The following MINDY4B variants were observed in gnomAD, a reference collection of about 807,000 sequenced individuals.
MINDY4B encodes MINDY family member 4B.
In MINDY4B, 25 loss-of-function variants were observed where a neutral mutation model predicts 16.7. The observed-to-expected ratio is 1.49, with a 90% CI of 1.09 to 2.09. MINDY4B has a LOEUF of 2.09. Ranked by LOEUF, MINDY4B falls within the 30% of genes most tolerant of loss-of-function variation. MINDY4B has a pLI of 0.00. For missense variants in MINDY4B, 327 were observed against 168.4 expected, an observed-to-expected ratio of 1.94 and a Z score of -5.21; for synonymous variants, 132 against 61.9, an observed-to-expected ratio of 2.13 and a Z score of -5.32.
At chr3:150,878,799 G>T (rs1279689379) in intron 10 of MINDY4B, among the ~76,000 whole-genome samples, 2 of 152,152 alleles carry the variant, frequency 1.3e-5, no homozygotes, top group Non-Finnish European at 2.9e-5. Context: ...CCTCTTGACT[G>T]ACTTTAAGGT....
chr3:150,876,587 G>A (rs543107274), intron 10 of MINDY4B, among the ~76,000 whole-genome samples: 6 of 152,164 alleles, frequency 3.9e-5, no homozygotes, highest in South Asian at 2.1e-4. Flanking sequence ...TTTGCAGGGC[G>A]CTACCTCAGT....
At chr3:150,873,134 G>T (rs972127069) in intron 11 of MINDY4B, 53 bp downstream of exon 11, 5 of 653,346 alleles carry the variant, frequency 7.7e-6, no homozygotes, top group Non-Finnish European at 1.4e-5. Flanking sequence ...ATTGGCAACC[G>T]CATCTCTTTG....
rs75360223 is a variant in MINDY4B, at chr3:150,870,552, T to C, written c.*493A>G. On this transcript the variant is annotated 3_prime_UTR_variant, in exon 12 of 12. Coordinates refer to ENST00000465419, the MANE Select transcript of MINDY4B (RefSeq NM_001351281.2). ...TACTATTTTAATGACAAGAACTTGCTAATGTGGGCATATGAACTGTATCCT... is the reference window on the plus strand; with the variant it reads ...TACTATTTTAATGACAAGAACTTGCCAATGTGGGCATATGAACTGTATCCT... Among the ~76,000 whole-genome samples the C allele has an allele frequency of 1.4e-3, 219 of 152,322 alleles. 6 individuals carry two copies. The East Asian group carries it at 0.041, about 29-fold the overall frequency.
At chr3:150,889,673 G>C (rs1489964700) in intron 7 of MINDY4B, among the ~76,000 whole-genome samples, 1 of 152,182 alleles carries the variant, frequency 6.6e-6, no homozygotes, top group Non-Finnish European at 1.5e-5. Flanking sequence ...GCAATGAACA[G>C]TTGTATCACT....
chr3:150,876,319 T>A (rs971074761), intron 10 of MINDY4B, among the ~76,000 whole-genome samples: 1 of 152,208 alleles, frequency 6.6e-6, no homozygotes, highest in African/African-American at 2.4e-5. Context: ...TCTTTTTTTT[T>A]ATGCTGTCTA....
At chr3:150,897,487 C>T (rs73153818) in intron 3 of MINDY4B, among the ~76,000 whole-genome samples, 48 of 152,158 alleles carry the variant, frequency 3.2e-4, no homozygotes, top group Admixed American at 5.9e-4. Context: ...TGTGGACAAA[C>T]GGAGCGTGGA....
chr3:150,890,092 C>G (rs1393659401), intron 7 of MINDY4B, among the ~76,000 whole-genome samples: 4 of 152,078 alleles, frequency 2.6e-5, no homozygotes, highest in Admixed American at 6.5e-5. Context: ...CTTGATTAAC[C>G]AAAGAAAAAG....
chr3:150,888,101 C>G (rs190324487), intron 7 of MINDY4B, among the ~76,000 whole-genome samples: 31 of 152,036 alleles, frequency 2.0e-4, no homozygotes, highest in East Asian at 9.7e-4. Context: ...AGCAAGATTC[C>G]GTCTCAAAAA....
At chr3:150,901,667 T>A (rs1712119887) in intron 3 of MINDY4B, among the ~76,000 whole-genome samples, 1 of 151,864 alleles carries the variant, frequency 6.6e-6, no homozygotes, top group African/African-American at 2.4e-5. Flanking sequence ...GACTACAGGA[T>A]GTGCCACCAT....
chr3:150,885,523 G>A, intron 7 of MINDY4B, 85 bp from the exon 8 acceptor site: 1 of 676,626 alleles, frequency 1.5e-6, no homozygotes, highest in Non-Finnish European at 2.7e-6. Context: ...AGGATTTACA[G>A]GCTGAGAGAA....
intron 10 of MINDY4B, among the ~76,000 whole-genome samples, chr3:150,875,238 A>C (rs1717059972): frequency 6.6e-6 from 1 of 152,230 alleles, no homozygotes; most frequent in Non-Finnish European, 1.5e-5. Flanking sequence ...TTATAAAATA[A>C]GCACTTTCTT....
In MINDY4B at chr3:150,877,894, C is replaced by T. The variant is rs114465784; in HGVS notation, c.1060-4527G>A. 9.3e-3 allele frequency among the ~76,000 whole-genome samples: 1,414 copies of T among 152,228 alleles called. 16 individuals carry two copies. The highest frequency in any genetic ancestry group is 0.02 in the Middle Eastern group (6 of 294). ...TAAGAACTGGCATTTCTATATTTAT[C>T]ACCTTCTCAGAAAATAATCAAAGAT... On this transcript the variant is annotated intron_variant, in intron 10 of 11. Transcript: ENST00000465419.
chr3:150,885,818 G>A (rs592790), intron 7 of MINDY4B, among the ~76,000 whole-genome samples: 74,835 of 151,940 alleles, frequency 0.49, 19,800 homozygotes, highest in South Asian at 0.62. Context: ...TCATTGCCCC[G>A]TTAAACTGAG....
At chr3:150,891,601 A>C (rs1711805508) in intron 5 of MINDY4B, among the ~76,000 whole-genome samples, 1 of 151,930 alleles carries the variant, frequency 6.6e-6, no homozygotes, top group Admixed American at 6.6e-5. Context: ...TTCTATACTT[A>C]AAATATAAAA....
intron 3 of MINDY4B, among the ~76,000 whole-genome samples, chr3:150,898,654 CATAATCAAGCATGGTTT>C: frequency 6.6e-6 from 1 of 152,178 alleles, no homozygotes; most frequent in Non-Finnish European, 1.5e-5. Context: ...TTATTATTAA[CATAATCAAGCATGGTTT>C]ATAGTTTTTC....
chr3:150,895,489 A>T (rs1711936252), intron 3 of MINDY4B, among the ~76,000 whole-genome samples: 1 of 152,116 alleles, frequency 6.6e-6, no homozygotes, highest in South Asian at 2.1e-4. Flanking sequence ...GTTTTGAGAC[A>T]GAGTCTCGCT....
rs951027486 is a variant in MINDY4B at position 150,903,412 on chromosome 3, T to A, written c.146A>T (p.His49Leu). 2 of 398,536 alleles carry A rather than the reference T, an allele frequency of 5.0e-6. No homozygotes were observed. Among genetic ancestry groups the A allele is most frequent in the Non-Finnish European group, 8.9e-6 (2 of 225,978 alleles). The allele number at this position is 398,536 out of a possible 1,614,324, so 24.7% of individuals were successfully genotyped here. A position where few individuals can be genotyped will look rare whatever the true frequency, so the allele number is the denominator to read the frequency against. The change falls in exon 3 of 12, where the codon CAT becomes CTT. Residue 49 changes from histidine to leucine, a missense_variant. Transcript: ENST00000465419. ...ATCAGCAGATGTATGGTTGCCTTCA[T>A]GATTCTGTGCAAATATCACCCCCAC... ...LGTNNSTPQN[H>L]EGNHTSADEN...
chr3:150,871,543 A>G, intron 11 of MINDY4B, among the ~76,000 whole-genome samples: 1 of 150,740 alleles, frequency 6.6e-6, no homozygotes, highest in Non-Finnish European at 1.5e-5. Flanking sequence ...GTTACTAAAT[A>G]TTGTCAGGAA....
At chr3:150,882,620 C>A (rs637899) in intron 10 of MINDY4B, among the ~76,000 whole-genome samples, 118,686 of 150,710 alleles carry the variant, frequency 0.79, 47,104 homozygotes, top group Non-Finnish European at 0.81. Flanking sequence ...ACAGGGATAT[C>A]TGTATATTTC....
Sources: gnomAD v4.1 joint callset for allele counts (sites outside exome capture counted in the v4.1 genomes callset) on GRCh38, gnomAD v4.1.1 for gene constraint, MANE v1.5 for transcripts, NCBI Gene and HGNC (gene_info 2026-07-23, HGNC 2026-07-21) for gene names.